The following HIVEP2 variants were observed in gnomAD, a reference collection of about 807,000 sequenced individuals.
HIVEP2 encodes the protein transcription factor HIVEP2.
In HIVEP2, 14 loss-of-function variants were observed where a neutral mutation model predicts 180.7. The ratio of observed to expected loss-of-function variants is 0.08; its 90% CI spans 0.05 to 0.12. The LOEUF (loss-of-function observed/expected upper bound fraction) is 0.12, where lower values mean the gene tolerates loss of function less well. Among genes scored for constraint, HIVEP2 ranks in the 10% least tolerant of loss-of-function variants. HIVEP2 has a pLI of 1.00. For synonymous variants in HIVEP2, 1,184 were observed against 1,136.4 expected (o/e 1.04, Z -0.84); for missense variants, 2,579 against 3,008.5 (o/e 0.86, Z 3.34).
At chr6:142,790,111 A>G (rs1446155969) in intron 2 of HIVEP2, among the ~76,000 whole-genome samples, 1 of 152,170 alleles carries the variant, frequency 6.6e-6, no homozygotes, top group Non-Finnish European at 1.5e-5. Context: ...AAGTAGAGTT[A>G]TGAGACCATC....
In HIVEP2 at chr6:142,865,359, T is replaced by C. The variant is rs1441860348; in HGVS notation, c.-640-28312A>G. Among the ~76,000 whole-genome samples the C allele has an allele frequency of 4.0e-5, 6 of 151,800 alleles. No homozygotes were observed. In the East Asian group the frequency reaches 1.2e-3, roughly 29 times the overall value. Reference sequence around the variant, plus strand: ...AAATGCTGAGTGAAAGACATAAAAATCCTAATTTCATTAAAAATTAGCCAA... The same window carrying C: ...AAATGCTGAGTGAAAGACATAAAAACCCTAATTTCATTAAAAATTAGCCAA... On this transcript the variant is annotated intron_variant, in intron 1 of 9. Coordinates refer to ENST00000367603, the MANE Select transcript of HIVEP2 (RefSeq NM_006734.4).
chr6:142,829,688 G>A (rs1775025057), intron 2 of HIVEP2, among the ~76,000 whole-genome samples: 1 of 152,182 alleles, frequency 6.6e-6, no homozygotes, highest in South Asian at 2.1e-4. Flanking sequence ...TATTCATTGA[G>A]TTTAAATGAA....
At chr6:142,908,007 G>A (rs1174600859) in intron 1 of HIVEP2, among the ~76,000 whole-genome samples, 1 of 152,160 alleles carries the variant, frequency 6.6e-6, no homozygotes, top group African/African-American at 2.4e-5. Flanking sequence ...GAAACTCAAA[G>A]TTTGAGAGGT....
At chr6:142,894,481 A>T (rs535948613) in intron 1 of HIVEP2, among the ~76,000 whole-genome samples, 3 of 152,346 alleles carry the variant, frequency 2.0e-5, no homozygotes, top group Admixed American at 2.0e-4. Flanking sequence ...TTAAAAGTAG[A>T]TGATCCATAA....
At chr6:142,756,155 A>C (rs1046885421) in intron 9 of HIVEP2, among the ~76,000 whole-genome samples, 1 of 152,200 alleles carries the variant, frequency 6.6e-6, no homozygotes, top group Non-Finnish European at 1.5e-5. Context: ...CTATATACAC[A>C]TCTATACGCC....
chr6:142,757,262 A>G (rs1020300381), intron 9 of HIVEP2, among the ~76,000 whole-genome samples: 4 of 152,208 alleles, frequency 2.6e-5, no homozygotes, highest in Non-Finnish European at 5.9e-5. Context: ...CTGTTCCCTC[A>G]TACCATGTGA....
In HIVEP2 at chr6:142,943,148, C is replaced by T. The variant is rs6916967; in HGVS notation, c.-641+1951G>A. On this transcript the variant is annotated intron_variant, in intron 1 of 9. Transcript: ENST00000367603. This position sits in a 1 kb window ranked among gnomAD's most constrained non-coding sequence, Gnocchi z 4.5. ...CTCTTAATAATGAAAATGATACCCA[C>T]TTTAGTCACAGAAAGGACATTTCTG... 0.88 allele frequency among the ~76,000 whole-genome samples: 133,237 copies of T among 152,122 alleles called. 58,673 individuals are homozygous for T. The highest frequency in any genetic ancestry group is 0.95 in the Middle Eastern group (278 of 294).
intron 8 of HIVEP2, among the ~76,000 whole-genome samples, chr6:142,761,062 A>T (rs557901957): frequency 6.6e-6 from 1 of 152,210 alleles, no homozygotes; most frequent in East Asian, 1.9e-4. Context: ...GGTCTGGCCA[A>T]CCTTAATGAT....
chr6:142,914,389 C>G (rs146844414), intron 1 of HIVEP2, among the ~76,000 whole-genome samples: 12 of 152,216 alleles, frequency 7.9e-5, no homozygotes, highest in Middle Eastern at 3.4e-3. Flanking sequence ...TTGGAGCCTA[C>G]TTTATAAAGT....
rs186682558 is a variant in HIVEP2, at chr6:142,760,320, A to G, written c.5968T>C (p.Cys1990Arg). The change falls in exon 9 of 10, where the codon TGT becomes CGT. Residue 1990 changes from cysteine (C) to arginine (R), a missense_variant. Transcript: ENST00000367603. Reference sequence around the variant, plus strand: ...TATTCTGTCATCTGGGTATCTTCACATGAATCACTGGGTGTCATAAGCTGA... The same window carrying G: ...TATTCTGTCATCTGGGTATCTTCACGTGAATCACTGGGTGTCATAAGCTGA... Reference protein sequence around the residue: ...VTQLMTPSDSCEDTQMTEYQR... With the variant: ...VTQLMTPSDSREDTQMTEYQR... 1,644 of 1,614,198 alleles carry G rather than the reference A, an allele frequency of 1.0e-3. No individual in the cohort carries two copies. The highest frequency in any genetic ancestry group is 1.3e-3 in the Non-Finnish European group (1,565 of 1,180,012).
intron 2 of HIVEP2, among the ~76,000 whole-genome samples, chr6:142,803,566 T>TACACAAACACACACACACAC (rs1776469269): frequency 7.1e-6 from 1 of 141,640 alleles, no homozygotes; most frequent in African/African-American, 2.6e-5. Context: ...ATATATAGCA[T>TACACAAACACACACACACAC]ACACACACAC....
At position 142,773,391 on chromosome 6, in the gene HIVEP2, T is replaced by C. The variant is rs1775607709; in HGVS notation, c.1348A>G (p.Met450Val). The C allele has an allele frequency of 1.2e-6, 2 of 1,614,094 alleles. No homozygotes were observed. Among genetic ancestry groups the C allele is most frequent in the African/African-American group, 1.3e-5 (1 of 74,934 alleles). ...VTTTSQERAAMGRKGIMEPLP... is the reference protein window; with the variant it reads ...VTTTSQERAAVGRKGIMEPLP... ...GGTTCCATTATGCCCTTCCTACCCA[T>C]TGCGGCACGCTCCTGACTTGTGGTT... is the stretch of plus-strand genomic sequence containing the variant. The change falls in exon 5 of 10, where the codon ATG (methionine) becomes GTG (valine). Residue 450 changes from methionine (M) to valine (V), a missense_variant. Physicochemically the swap from Met to Val is conservative, Grantham distance 21 (BLOSUM62 1). Coordinates refer to ENST00000367603, the MANE Select transcript of HIVEP2 (RefSeq NM_006734.4).
At chr6:142,849,841 G>C (rs1189817659) in intron 1 of HIVEP2, among the ~76,000 whole-genome samples, 1 of 152,040 alleles carries the variant, frequency 6.6e-6, no homozygotes, top group Non-Finnish European at 1.5e-5. Context: ...CTGTAAAACA[G>C]TCTGAAAAGC....
intron 9 of HIVEP2, among the ~76,000 whole-genome samples, chr6:142,756,539 T>A (rs1377584995): frequency 1.3e-5 from 2 of 152,148 alleles, no homozygotes; most frequent in Non-Finnish European, 2.9e-5. Flanking sequence ...ATCACACAGA[T>A]AACAAGGGAT....
intron 2 of HIVEP2, among the ~76,000 whole-genome samples, chr6:142,824,144 A>G (rs944432632): frequency 4.6e-5 from 7 of 152,162 alleles, no homozygotes; most frequent in Non-Finnish European, 1.0e-4. Flanking sequence ...ACACCTTAGT[A>G]TATATAATTG....
rs757993303 is a variant in HIVEP2 at position 142,771,309 on chromosome 6, G to A, written c.3430C>T (p.Pro1144Ser). Residue 1144 changes from proline to serine, a missense_variant, in exon 5 of 10, where the codon CCC becomes TCC. By Grantham distance (74) the Pro-to-Ser change is moderately conservative (BLOSUM62 -1). Around this residue, in one of 11 missense-constraint regions of HIVEP2, gnomAD observed 523 missense variants for 577.0 expected, o/e 0.91. Coordinates refer to ENST00000367603, the MANE Select transcript of HIVEP2 (RefSeq NM_006734.4). This position sits in a 1 kb window ranked among gnomAD's most constrained non-coding sequence, Gnocchi z 5.4. ...TGCAGTGGCCCCGAGCTCAGCGGGG[G>A]ACAAGGACCCGCCACCTGCTTCCCT... ...DPGKQVAGPC[P>S]PLSSGPLHLA... 5.6e-6 allele frequency: 9 copies of A among 1,613,296 alleles called. No homozygotes were observed. Among genetic ancestry groups the A allele is most frequent in the Admixed American group, 1.7e-5 (1 of 59,994 alleles).
intron 2 of HIVEP2, among the ~76,000 whole-genome samples, chr6:142,819,379 G>T (rs1776970200): frequency 6.6e-6 from 1 of 152,132 alleles, no homozygotes; most frequent in Non-Finnish European, 1.5e-5. Flanking sequence ...GAATCTTAAA[G>T]GGGTTTATAA....
chr6:142,875,865 T>C (rs540706911), intron 1 of HIVEP2, among the ~76,000 whole-genome samples: 18 of 152,122 alleles, frequency 1.2e-4, no homozygotes, highest in African/African-American at 4.1e-4. Flanking sequence ...TTAGGAGGAA[T>C]ACAAGTTGAA....
intron 1 of HIVEP2, among the ~76,000 whole-genome samples, chr6:142,869,357 C>T (rs1429946166): frequency 6.6e-6 from 1 of 152,056 alleles, no homozygotes; most frequent in Non-Finnish European, 1.5e-5. Context: ...AATTTTATTC[C>T]ATAAAAACAA....
Sources: allele counts gnomAD v4.1 joint callset (sites outside exome capture counted in the v4.1 genomes callset), GRCh38; gene constraint gnomAD v4.1.1; regional missense constraint gnomAD v4.1.1; non-coding constraint Gnocchi (gnomAD v3.1); transcripts MANE v1.5; gene names NCBI Gene and HGNC (gene_info 2026-07-23, HGNC 2026-07-21).